The following LRBA variants were observed in gnomAD, a reference collection of about 807,000 sequenced individuals.
LRBA encodes lipopolysaccharide-responsive and beige-like anchor protein.
A neutral mutation model predicts 330.0 loss-of-function variants in LRBA; 176 were observed. The observed-to-expected ratio is 0.53, with a 90% CI of 0.47 to 0.60. The LOEUF (loss-of-function observed/expected upper bound fraction) is 0.60. Ranked by LOEUF, LRBA falls within the 20% of genes least tolerant of loss-of-function variation. The probability of loss-of-function intolerance (pLI) is 0.00; values close to 1 mark genes in which losing one functional copy is unlikely to be tolerated. For synonymous variants in LRBA, 1,230 were observed against 1,193.0 expected (o/e 1.03, Z -0.64); for missense variants, 3,259 against 3,444.8 (o/e 0.95, Z 1.35).
At chr4:150,807,883 CAAGT>C (rs550781402) in intron 32 of LRBA, among the ~76,000 whole-genome samples, 54 of 152,270 alleles carry the variant, frequency 3.5e-4, no homozygotes, top group African/African-American at 9.9e-4. Context: ...CTCCTGACTT[CAAGT>C]AATCCGCCTG....
chr4:150,592,345 G>A (rs778612077), intron 38 of LRBA, among the ~76,000 whole-genome samples: 96 of 151,196 alleles, frequency 6.3e-4, no homozygotes, highest in African/African-American at 3.1e-4. Flanking sequence ...TGATAAGTAC[G>A]TTTACGGATG....
At chr4:150,882,585 A>G (rs1287027734) in intron 17 of LRBA, among the ~76,000 whole-genome samples, 3 of 152,230 alleles carry the variant, frequency 2.0e-5, no homozygotes, top group Non-Finnish European at 4.4e-5. Context: ...TTACATGTTT[A>G]AAGAAATAGA....
chr4:150,838,571 A>G (rs1748538174), intron 28 of LRBA, among the ~76,000 whole-genome samples: 1 of 152,104 alleles, frequency 6.6e-6, no homozygotes, highest in Non-Finnish European at 1.5e-5. Context: ...CCTTTCTTCC[A>G]GTTGATCAAA....
intron 47 of LRBA, among the ~76,000 whole-genome samples, chr4:150,406,473 C>A (rs1325466558): frequency 1.3e-5 from 2 of 151,782 alleles, no homozygotes; most frequent in African/African-American, 4.8e-5. Flanking sequence ...GTCCAAAATC[C>A]AAAAAAATGG....
chr4:150,954,146 TG>T (rs1270361355), intron 2 of LRBA, among the ~76,000 whole-genome samples: 1 of 142,428 alleles, frequency 7.0e-6, no homozygotes, highest in Non-Finnish European at 1.5e-5. Flanking sequence ...GTCGGGGAGG[TG>T]GGGGGCAGCC....
intron 36 of LRBA, among the ~76,000 whole-genome samples, chr4:150,711,310 A>C (rs1398052470): frequency 6.6e-6 from 1 of 151,546 alleles, no homozygotes; most frequent in Non-Finnish European, 1.5e-5. Context: ...ATCTCAGCTC[A>C]CTACAACTTC....
intron 47 of LRBA, among the ~76,000 whole-genome samples, chr4:150,376,222 G>T (rs768809764): frequency 6.6e-5 from 10 of 152,128 alleles, no homozygotes; most frequent in Non-Finnish European, 1.5e-4. Context: ...AGATTTGGAA[G>T]AAGGAAAGGT....
chr4:150,877,113 C>A (rs143171815), intron 17 of LRBA, among the ~76,000 whole-genome samples: 7 of 152,020 alleles, frequency 4.6e-5, no homozygotes, highest in African/African-American at 1.7e-4. Flanking sequence ...AAAAAATTAG[C>A]CAACCATGGT....
chr4:150,469,254 T>C (rs1397009293), intron 43 of LRBA, among the ~76,000 whole-genome samples: 2 of 152,168 alleles, frequency 1.3e-5, no homozygotes, highest in East Asian at 3.8e-4. Context: ...TGCATCATGA[T>C]ATCATGTTTA....
At chr4:150,737,486 C>T (rs151334498) in intron 35 of LRBA, among the ~76,000 whole-genome samples, 3 of 125,060 alleles carry the variant, frequency 2.4e-5, no homozygotes, top group East Asian at 2.2e-4. Context: ...AATGAACGAA[C>T]GAAGGAAAAA....
intron 37 of LRBA, among the ~76,000 whole-genome samples, chr4:150,628,268 T>C (rs759737033): frequency 9.9e-5 from 15 of 152,168 alleles, no homozygotes; most frequent in Non-Finnish European, 2.1e-4. Context: ...TTTTTCTCCT[T>C]TTTTTGACAA....
intron 33 of LRBA, among the ~76,000 whole-genome samples, chr4:150,804,813 A>T (rs929892636): frequency 6.6e-6 from 1 of 152,100 alleles, no homozygotes; most frequent in African/African-American, 2.4e-5. Flanking sequence ...GCTTCACCTT[A>T]AAAAATCCTA....
intron 37 of LRBA, 79 bp downstream of exon 37, chr4:150,683,472 G>T: frequency 9.1e-7 from 1 of 1,101,602 alleles, no homozygotes; most frequent in Non-Finnish European, 1.4e-6. Flanking sequence ...ATCTGGCTTT[G>T]ATCATATCCA....
chr4:150,416,352 A>G (rs1341813515), intron 46 of LRBA, among the ~76,000 whole-genome samples: 1 of 152,236 alleles, frequency 6.6e-6, no homozygotes, highest in Non-Finnish European at 1.5e-5. Context: ...CCTCAGGGCC[A>G]GCAATGGCAG....
rs902421554 is a variant in LRBA at position 150,373,172 on chromosome 4, TGAGA to T, written c.7195-23017_7195-23014del. 2.2e-3 allele frequency among the ~76,000 whole-genome samples: 214 copies of T among 97,448 alleles called. 3 individuals are homozygous for T. Among genetic ancestry groups the T allele is most frequent in the African/African-American group, 7.1e-3 (160 of 22,648 alleles). The allele number at this position is 97,448 out of a possible 152,430, so 63.9% of individuals were successfully genotyped here. A position where few individuals can be genotyped will look rare whatever the true frequency, so the allele number is the denominator to read the frequency against. Reference sequence around the variant, plus strand: ...GTGTGTGTGTGTGTGTGTGTGTGTGTGAGAGAGAGAGAGAGAGAGAGAGAGAGAG... The same window carrying T: ...GTGTGTGTGTGTGTGTGTGTGTGTGTGAGAGAGAGAGAGAGAGAGAGAGAG... On this transcript the variant is annotated intron_variant, in intron 47 of 56. Coordinates refer to ENST00000651943, the MANE Select transcript of LRBA (RefSeq NM_001364905.1).
chr4:150,873,197 T>C (rs530416820), intron 17 of LRBA, among the ~76,000 whole-genome samples: 1 of 152,244 alleles, frequency 6.6e-6, no homozygotes, highest in Non-Finnish European at 1.5e-5. Flanking sequence ...TTATCAGAAA[T>C]AATTACAAAA....
intron 37 of LRBA, among the ~76,000 whole-genome samples, chr4:150,663,792 T>C (rs1781336118): frequency 6.6e-6 from 1 of 152,158 alleles, no homozygotes; most frequent in South Asian, 2.1e-4. Flanking sequence ...CTTGTATTTA[T>C]CAAACGCTAT....
chr4:150,933,422 G>A (rs1232305535), intron 2 of LRBA, among the ~76,000 whole-genome samples: 1 of 151,244 alleles, frequency 6.6e-6, no homozygotes, highest in Admixed American at 6.6e-5. Context: ...GAAATATGAT[G>A]TACATATAGA....
intron 30 of LRBA, among the ~76,000 whole-genome samples, chr4:150,818,886 C>T (rs959640509): frequency 5.9e-5 from 9 of 152,034 alleles, no homozygotes; most frequent in African/African-American, 1.2e-4. Flanking sequence ...CCCATCTATG[C>T]TATGACTCAA....
Sources: gnomAD v4.1 joint callset for allele counts (sites outside exome capture counted in the v4.1 genomes callset) on GRCh38, gnomAD v4.1.1 for gene constraint, MANE v1.5 for transcripts, NCBI Gene and HGNC (gene_info 2026-07-23, HGNC 2026-07-21) for gene names.